The following SLC4A5 variants were observed in gnomAD, a reference collection of about 807,000 sequenced individuals.
SLC4A5 encodes the protein solute carrier family 4 member 5.
Under a neutral mutation model 120.4 loss-of-function variants are expected in SLC4A5, and 96 were observed. The observed-to-expected ratio is 0.80, with a 90% CI of 0.68 to 0.94. The LOEUF is 0.94. SLC4A5 is among the 40% of genes least tolerant of loss of function. The pLI is 0.00. For synonymous variants in SLC4A5, 550 were observed against 571.1 expected, an observed-to-expected ratio of 0.96 and a Z score of 0.53; for missense variants, 1,259 against 1,459.5, an observed-to-expected ratio of 0.86 and a Z score of 2.24.
intron 21 of SLC4A5, 36 bp from the exon 22 acceptor site, chr2:74,235,250 T>A (rs761966401): frequency 6.5e-7 from 1 of 1,541,700 alleles, no homozygotes; most frequent in Non-Finnish European, 8.9e-7. Flanking sequence ...AAGAAGTGAG[T>A]AAAGCACCCA....
intron 20 of SLC4A5, among the ~76,000 whole-genome samples, chr2:74,240,046 T>C (rs1670390951): frequency 6.8e-6 from 1 of 148,086 alleles, no homozygotes; most frequent in African/African-American, 2.5e-5. Flanking sequence ...TAAATTTATA[T>C]ATATATATAT....
intron 5 of SLC4A5, among the ~76,000 whole-genome samples, chr2:74,322,398 A>T (rs1009190446): frequency 1.3e-5 from 2 of 152,184 alleles, no homozygotes; most frequent in Non-Finnish European, 2.9e-5. Flanking sequence ...ATAAAACTTT[A>T]AAACAAACAA....
At chr2:74,220,848 T>C (rs1289296581) in intron 30 of SLC4A5, among the ~76,000 whole-genome samples, 1 of 144,674 alleles carries the variant, frequency 6.9e-6, no homozygotes, top group African/African-American at 2.6e-5. Context: ...TTTCTTTTTT[T>C]TTTTTTTTTT....
intron 3 of SLC4A5, among the ~76,000 whole-genome samples, chr2:74,337,404 C>T (rs1673518659): frequency 6.6e-6 from 1 of 152,036 alleles, no homozygotes; most frequent in Non-Finnish European, 1.5e-5. Flanking sequence ...CCCTGCACTC[C>T]ACCCCACCCC....
At chr2:74,246,615 C>T (rs561336914) in intron 19 of SLC4A5, among the ~76,000 whole-genome samples, 2 of 152,346 alleles carry the variant, frequency 1.3e-5, no homozygotes, top group Middle Eastern at 3.4e-3. Flanking sequence ...TCACCTTACA[C>T]GGTATGTGGC....
rs537545905 is a variant in SLC4A5, at chr2:74,248,459, C to A, written c.1681G>T (p.Ala561Ser). ...AGGCAGAACAAGGAGCCAGCCATGG[C>A]AGTGCCCAGGAAGCTCTCCATCACT... The change falls in exon 18 of 31, where the codon GCC becomes TCC. Residue 561 changes from alanine (A) to serine (S), a missense_variant. Coordinates refer to ENST00000394019, the Ensembl canonical transcript of SLC4A5. The A allele has an allele frequency of 4.3e-5, 69 of 1,614,152 alleles. No individual in the cohort carries two copies. In the South Asian group the frequency reaches 7.1e-4, roughly 17 times the overall value.
At chr2:74,313,935 TG>T (rs1344630390) in intron 6 of SLC4A5, among the ~76,000 whole-genome samples, 1 of 152,154 alleles carries the variant, frequency 6.6e-6, no homozygotes, top group Non-Finnish European at 1.5e-5. Context: ...ACTTGATCTG[TG>T]GCCATCCTGC....
intron 18 of SLC4A5, among the ~76,000 whole-genome samples, 192 bp from the exon 19 acceptor site, chr2:74,247,499 G>C (rs1670650049): frequency 6.6e-6 from 1 of 152,064 alleles, no homozygotes; most frequent in Admixed American, 6.5e-5. Flanking sequence ...TGGGGGTCCA[G>C]TGTTCATCTT....
chr2:74,295,056 T>A lies in SLC4A5; in HGVS notation c.272-9154A>T, dbSNP rs186593531. 2.0e-5 allele frequency among the ~76,000 whole-genome samples: 3 copies of A among 151,776 alleles called. No individual in the cohort carries two copies. The East Asian group carries it at 5.8e-4, about 29-fold the overall frequency. On this transcript the variant is annotated intron_variant, in intron 7 of 30. Transcript: ENST00000394019. ...TCAACACATTATGAGTCCAGTTGGG[T>A]GAAAATGGGCTCTGAGCTAAGGTGA...
intron 8 of SLC4A5, among the ~76,000 whole-genome samples, chr2:74,269,414 G>A (rs1671405073): frequency 6.7e-6 from 1 of 149,500 alleles, no homozygotes; most frequent in Non-Finnish European, 1.5e-5. Context: ...TTGTTTTTTA[G>A]TAGAGACAGG....
At chr2:74,295,578 G>A (rs755319785) in intron 7 of SLC4A5, among the ~76,000 whole-genome samples, 2 of 152,128 alleles carry the variant, frequency 1.3e-5, no homozygotes, top group African/African-American at 2.4e-5. Context: ...AGGTTGCAGT[G>A]AGCAGAGATC....
chr2:74,223,497 A>G (rs1040418788), intron 28 of SLC4A5, among the ~76,000 whole-genome samples: 4 of 152,230 alleles, frequency 2.6e-5, no homozygotes, highest in African/African-American at 9.7e-5. Context: ...GTTACTCATC[A>G]AAACAGTTTT....
chr2:74,227,154 C>T (rs1694872536), intron 26 of SLC4A5, 24 bp from the exon 27 acceptor site: 2 of 1,583,448 alleles, frequency 1.3e-6, no homozygotes, highest in Admixed American at 1.8e-5. Context: ...GGGGGCTCAG[C>T]CAGGCAGCCA....
intron 23 of SLC4A5, among the ~76,000 whole-genome samples, chr2:74,232,900 T>G (rs1244138102): frequency 6.6e-6 from 1 of 152,156 alleles, no homozygotes; most frequent in African/African-American, 2.4e-5. Flanking sequence ...TTTGGGTCTC[T>G]GGGGAGAAGG....
Position 74,255,545 on chromosome 2 carries a change from G to T in SLC4A5, c.1025+230C>A, listed in dbSNP as rs891267177. Among the ~76,000 whole-genome samples the T allele has an allele frequency of 6.6e-6, 1 of 152,006 alleles. No individual in the cohort carries two copies. Among genetic ancestry groups the T allele is most frequent in the Non-Finnish European group, 1.5e-5 (1 of 67,976 alleles). On this transcript the variant is annotated intron_variant, in intron 13 of 30. Transcript: ENST00000394019. This position sits in a 1 kb window ranked among gnomAD's most constrained non-coding sequence, Gnocchi z 4.0. The stretch of plus-strand genomic sequence containing the variant: ...CCTGACCTCATGATCTGCCCACCTT[G>T]GCATCCCAAAGTGCTGGGATTACAG...
chr2:74,258,152 T>G (rs1671027524), intron 12 of SLC4A5, among the ~76,000 whole-genome samples: 1 of 152,194 alleles, frequency 6.6e-6, no homozygotes, highest in South Asian at 2.1e-4. Context: ...CTGAATCTAC[T>G]CTCTGTTCAC....
chr2:74,302,527 G>A (rs573719998), intron 7 of SLC4A5, among the ~76,000 whole-genome samples: 1 of 152,328 alleles, frequency 6.6e-6, no homozygotes, highest in South Asian at 2.1e-4. Context: ...TGAGGCACGA[G>A]AATCACTTGA....
rs555849771 is a variant in SLC4A5, at chr2:74,326,593, G to A, written c.-3+1527C>T. Among the ~76,000 whole-genome samples, 6 of 152,254 alleles carry A rather than the reference G, an allele frequency of 3.9e-5. No homozygotes were observed. In the East Asian group the frequency reaches 9.6e-4, roughly 24 times the overall value. ...CCCAGCACTTTGGGAGGACGAGGCGGGCAGATCACGAGGTCAGGAGTTCGA... is the reference window on the plus strand; with the variant it reads ...CCCAGCACTTTGGGAGGACGAGGCGAGCAGATCACGAGGTCAGGAGTTCGA... On this transcript the variant is annotated intron_variant, in intron 5 of 30. Coordinates refer to ENST00000394019, the Ensembl canonical transcript of SLC4A5.
chr2:74,231,510 T>C (rs146503706), intron 24 of SLC4A5, among the ~76,000 whole-genome samples: 1 of 152,314 alleles, frequency 6.6e-6, no homozygotes, highest in East Asian at 1.9e-4. Flanking sequence ...GGCAAGGGCA[T>C]CTTGCAGGAG....
Sources: allele counts gnomAD v4.1 joint callset (sites outside exome capture counted in the v4.1 genomes callset), GRCh38; gene constraint gnomAD v4.1.1; non-coding constraint Gnocchi (gnomAD v3.1); transcripts MANE v1.5; gene names NCBI Gene and HGNC (gene_info 2026-07-23, HGNC 2026-07-21).